GRM7: variants seen among roughly 807,000 people sequenced by gnomAD.
GRM7 encodes the protein glutamate metabotropic receptor 7, also known as metabotropic glutamate receptor 7.
GRM7 carries 35 observed loss-of-function variants against 84.5 expected under a neutral mutation model. The observed-to-expected ratio is 0.41, with a 90% CI of 0.32 to 0.55. GRM7 has a LOEUF of 0.55. GRM7 is among the 20% of genes least tolerant of loss of function. The pLI is 0.19. For synonymous variants in GRM7, 487 were observed against 455.1 expected (o/e 1.07, Z -0.89); for missense variants, 1,003 against 1,194.6 (o/e 0.84, Z 2.36).
chr3:7,616,911 T>C (rs1337611581), intron 8 of GRM7, among the ~76,000 whole-genome samples: 3 of 152,136 alleles, frequency 2.0e-5, no homozygotes, highest in East Asian at 3.8e-4. Flanking sequence ...GTAGATTCAA[T>C]GTAATTCTGA....
chr3:7,386,168 A>G (rs1361711149), intron 4 of GRM7, among the ~76,000 whole-genome samples: 2 of 152,188 alleles, frequency 1.3e-5, no homozygotes, highest in African/African-American at 4.8e-5. Flanking sequence ...GTAGAAATCT[A>G]TTTTTTTGAT....
At chr3:7,054,016 T>C (rs1476682956) in intron 1 of GRM7, among the ~76,000 whole-genome samples, 2 of 151,060 alleles carry the variant, frequency 1.3e-5, no homozygotes, top group African/African-American at 4.8e-5. Flanking sequence ...TTGTAATTTT[T>C]GTTCTACAGT....
chr3:7,646,986 C>T (rs924312670), intron 8 of GRM7, among the ~76,000 whole-genome samples: 9 of 152,148 alleles, frequency 5.9e-5, no homozygotes, highest in African/African-American at 2.2e-4. Context: ...TGAACTGGGT[C>T]AAGGGCCAAA....
intron 1 of GRM7, among the ~76,000 whole-genome samples, chr3:6,887,895 G>T (rs2124975936): frequency 6.6e-6 from 1 of 152,280 alleles, no homozygotes; most frequent in Non-Finnish European, 1.5e-5. Context: ...AGCACCTGTT[G>T]TTTCCTGACT....
intron 7 of GRM7, among the ~76,000 whole-genome samples, chr3:7,538,146 G>T (rs1692656754): frequency 1.3e-5 from 2 of 152,010 alleles, no homozygotes; most frequent in Admixed American, 1.3e-4. Flanking sequence ...TTTCAGTTTT[G>T]TTGCCCAGGC....
At chr3:7,049,434 C>T (rs779904410) in intron 1 of GRM7, among the ~76,000 whole-genome samples, 1 of 151,858 alleles carries the variant, frequency 6.6e-6, no homozygotes. Flanking sequence ...TTATTCACTA[C>T]CATGAGAGCA....
At chr3:6,989,990 A>G (rs541692264) in intron 1 of GRM7, among the ~76,000 whole-genome samples, 18 of 152,184 alleles carry the variant, frequency 1.2e-4, no homozygotes, top group African/African-American at 4.3e-4. Context: ...AGTTGCTCTG[A>G]TTTTGTGACT....
intron 1 of GRM7, among the ~76,000 whole-genome samples, chr3:7,023,202 T>C (rs976240739): frequency 2.6e-5 from 4 of 152,104 alleles, no homozygotes; most frequent in Non-Finnish European, 5.9e-5. Flanking sequence ...CTAACCCTAG[T>C]CTCTTCTCTA....
intron 1 of GRM7, among the ~76,000 whole-genome samples, chr3:7,063,843 T>A (rs1215764456): frequency 1.3e-5 from 2 of 151,684 alleles, no homozygotes; most frequent in Non-Finnish European, 2.9e-5. Flanking sequence ...TAAGAACTTA[T>A]GTATGTAATG....
intron 2 of GRM7, among the ~76,000 whole-genome samples, chr3:7,285,400 A>G (rs1382180649): frequency 6.6e-6 from 1 of 152,156 alleles, no homozygotes; most frequent in Non-Finnish European, 1.5e-5. Flanking sequence ...GTCTCCAATC[A>G]AACCTGTGTT....
chr3:6,934,379 T>C (rs1697613262), intron 1 of GRM7, among the ~76,000 whole-genome samples: 1 of 152,060 alleles, frequency 6.6e-6, no homozygotes, highest in African/African-American at 2.4e-5. Flanking sequence ...AATAGTAAGG[T>C]ACCATGAAAA....
At chr3:6,894,314 A>T (rs1696088238) in intron 1 of GRM7, among the ~76,000 whole-genome samples, 1 of 152,196 alleles carries the variant, frequency 6.6e-6, no homozygotes, top group Non-Finnish European at 1.5e-5. Flanking sequence ...AGATGCTATG[A>T]AATTCACATA....
At chr3:7,288,333 C>G (rs1377135525) in intron 2 of GRM7, among the ~76,000 whole-genome samples, 2 of 152,064 alleles carry the variant, frequency 1.3e-5, no homozygotes, top group East Asian at 3.9e-4. Flanking sequence ...GAGTTACAAG[C>G]TTTCCGTTTA....
chr3:7,652,965 C>A (rs970342135), intron 8 of GRM7, among the ~76,000 whole-genome samples: 6 of 152,116 alleles, frequency 3.9e-5, no homozygotes, highest in African/African-American at 1.4e-4. Context: ...GCTGAACTCA[C>A]CATCCCTGTT....
intron 4 of GRM7, among the ~76,000 whole-genome samples, chr3:7,387,009 C>G (rs1296710380): frequency 6.6e-6 from 1 of 152,108 alleles, no homozygotes; most frequent in Non-Finnish European, 1.5e-5. Flanking sequence ...TTGCATTTAT[C>G]TAATGATTAC....
chr3:7,640,759 A>G (rs1698329408), intron 8 of GRM7, among the ~76,000 whole-genome samples: 2 of 152,164 alleles, frequency 1.3e-5, no homozygotes, highest in African/African-American at 4.8e-5. Flanking sequence ...AAAATTATGA[A>G]AATGATGTGA....
At chr3:7,233,134 T>C (rs1697247180) in intron 2 of GRM7, among the ~76,000 whole-genome samples, 1 of 152,222 alleles carries the variant, frequency 6.6e-6, no homozygotes, top group Non-Finnish European at 1.5e-5. Context: ...ACTGATTATA[T>C]GTTCTTGAAA....
chr3:7,025,926 CTT>C (rs1695964662), intron 1 of GRM7, among the ~76,000 whole-genome samples: 1 of 152,110 alleles, frequency 6.6e-6, no homozygotes, highest in South Asian at 2.1e-4. Context: ...TATTTATAGC[CTT>C]TATAGCTCAT....
intron 2 of GRM7, among the ~76,000 whole-genome samples, chr3:7,245,985 A>G (rs1262573641): frequency 1.3e-5 from 2 of 152,116 alleles, no homozygotes; most frequent in African/African-American, 4.8e-5. Flanking sequence ...TCAGAACATT[A>G]ATTAGAGGAA....
Sources: allele counts gnomAD v4.1 joint callset (sites outside exome capture counted in the v4.1 genomes callset), GRCh38; gene constraint gnomAD v4.1.1; transcripts MANE v1.5; gene names NCBI Gene and HGNC (gene_info 2026-07-23, HGNC 2026-07-21).